MAP3K7: variants seen among roughly 807,000 people sequenced by gnomAD.
MAP3K7 encodes the protein TGF-beta activated kinase 1.
Under a neutral mutation model 84.8 loss-of-function variants are expected in MAP3K7, and 21 were observed. That is an observed-to-expected ratio of 0.25 (90% CI 0.18 to 0.36). The LOEUF is 0.36. MAP3K7 is among the 10% of genes least tolerant of loss of function. The probability of loss-of-function intolerance (pLI) is 1.00; values close to 1 mark genes in which losing one functional copy is unlikely to be tolerated. For synonymous variants in MAP3K7, 241 were observed against 247.7 expected (o/e 0.97, Z 0.25); for missense variants, 503 against 747.7 (o/e 0.67, Z 3.82).
At chr6:90,524,152 A>G (rs1775246045) in intron 13 of MAP3K7, among the ~76,000 whole-genome samples, 1 of 152,148 alleles carries the variant, frequency 6.6e-6, no homozygotes, top group Admixed American at 6.6e-5. Context: ...GGGCCTTTGT[A>G]GGATGGAAGT....
chr6:90,553,375 T>G, intron 7 of MAP3K7, 83 bp downstream of exon 7: 1 of 1,274,384 alleles, frequency 7.8e-7, no homozygotes, highest in Non-Finnish European at 1.1e-6. Flanking sequence ...AGATAAATGA[T>G]ATTCTTTAGG....
In MAP3K7 at chr6:90,586,801, AAGTTGAGGAC is replaced by A; in HGVS notation, c.73_82del (p.Val25LeufsTer38). On this transcript the variant is annotated frameshift_variant, in exon 1 of 17. Coordinates refer to ENST00000369329, the MANE Select transcript of MAP3K7 (RefSeq NM_145331.3). LOFTEE classifies it high-confidence loss of function. ...GATCTCCTTGTAGTCGATCTCTTCA[AAGTTGAGGAC>A]CTGGGAAGGGGCTTCGATCATCTCA... 6.2e-7 allele frequency: 1 copy of A among 1,610,118 alleles called. No homozygotes were observed. The highest frequency in any genetic ancestry group is 1.3e-5 in the African/African-American group (1 of 74,614).
rs1477792449 is a variant in MAP3K7 at position 90,515,430 on chromosome 6, G to C, written c.*1071C>G. Reference sequence around the variant, plus strand: ...GTGTTGAAAGGCGGCAGGCATTCTAGAACGGGATTGTAAGGAAAATCAAAT... The same window carrying C: ...GTGTTGAAAGGCGGCAGGCATTCTACAACGGGATTGTAAGGAAAATCAAAT... On this transcript the variant is annotated 3_prime_UTR_variant, in exon 17 of 17. Coordinates refer to ENST00000369329, the MANE Select transcript of MAP3K7 (RefSeq NM_145331.3). 2.0e-5 allele frequency: 3 copies of C among 151,910 alleles called. No individual in the cohort carries two copies. Among genetic ancestry groups the C allele is most frequent in the African/African-American group, 4.8e-5 (2 of 41,408 alleles). The allele number at this position is 151,910 out of a possible 1,614,324, so 9.4% of individuals were successfully genotyped here.
At chr6:90,563,534 A>G (rs1776595451) in intron 3 of MAP3K7, among the ~76,000 whole-genome samples, 1 of 152,158 alleles carries the variant, frequency 6.6e-6, no homozygotes, top group African/African-American at 2.4e-5. Flanking sequence ...AAAAAGAGTA[A>G]AAAGAAACAA....
chr6:90,547,293 A>T lies in MAP3K7; in HGVS notation c.1175T>A (p.Met392Lys), dbSNP rs778011461. 4 of 1,613,340 alleles carry T rather than the reference A, an allele frequency of 2.5e-6. No homozygotes were observed. The highest frequency in any genetic ancestry group is 1.7e-4 in the Middle Eastern group (1 of 6,058). Residue 392 changes from methionine to lysine, a missense_variant, in exon 11 of 17, where the codon ATG (methionine) becomes AAG (lysine). This residue lies in a region of MAP3K7 where 286 missense variants were observed against 313.6 expected (regional missense o/e 0.91). Transcript: ENST00000369329. ...GGCGATCCTAGCTTCTATTTCAGAC[A>T]TGTCAGCACTCATCCTCTTGCCCTC... ...TSEGKRMSAD[M>K]SEIEARIAAT...
At chr6:90,547,425 C>A (rs1258900409) in intron 10 of MAP3K7, 38 bp from the exon 11 acceptor site, 2 of 1,600,928 alleles carry the variant, frequency 1.2e-6, no homozygotes, top group Non-Finnish European at 1.7e-6. Context: ...TACTGAAGTT[C>A]TTTAGATTTA....
At chr6:90,537,645 A>C (rs913474292) in intron 12 of MAP3K7, among the ~76,000 whole-genome samples, 7 of 152,008 alleles carry the variant, frequency 4.6e-5, no homozygotes, top group Admixed American at 6.6e-5. Context: ...ATTCACATTT[A>C]CTTCAAATTT....
chr6:90,528,889 C>G (rs1306400543), intron 13 of MAP3K7, among the ~76,000 whole-genome samples: 1 of 152,106 alleles, frequency 6.6e-6, no homozygotes, highest in African/African-American at 2.4e-5. Flanking sequence ...TTCAGAAATT[C>G]CAAAAAGCTT....
In MAP3K7 at chr6:90,550,496, T is replaced by C. The variant is rs1440037446; in HGVS notation, c.921A>G (p.Glu307=). ...PLQYPCQYSD[E]GQSNSATSTG... ...TACTGGTGGCAGAGTTGCTCTGTCC[T>C]TCATCTGAATACTGACAAGGATACT... Residue 307 remains glutamate (E), a synonymous_variant, in exon 9 of 17, where the codon GAA becomes GAG. Transcript: ENST00000369329. 6.2e-7 allele frequency: 1 copy of C among 1,611,696 alleles called. No individual in the cohort carries two copies. The highest frequency in any genetic ancestry group is 1.3e-5 in the African/African-American group (1 of 74,990).
chr6:90,551,820 A>C (rs1434698235), intron 8 of MAP3K7: 1 of 393,494 alleles, frequency 2.5e-6, no homozygotes, highest in Non-Finnish European at 4.5e-6. Context: ...AAAAGAAAAA[A>C]GCAAGTCTAG....
chr6:90,546,447 T>C (rs1158817782), intron 11 of MAP3K7, among the ~76,000 whole-genome samples: 1 of 152,154 alleles, frequency 6.6e-6, no homozygotes, highest in African/African-American at 2.4e-5. Flanking sequence ...AGTGGGGTAA[T>C]TATGTAAGTT....
rs538510623 is a variant in MAP3K7 at position 90,572,154 on chromosome 6, AGAT to A, written c.121-350_121-348del. On this transcript the variant is annotated intron_variant, in intron 1 of 16. Transcript: ENST00000369329. ...CAGACAAGATGAATGAGAAGACAGA[AGAT>A]GATATGGAAAAACAAAAAGCAGGAA... Among the ~76,000 whole-genome samples the A allele has an allele frequency of 2.4e-3, 363 of 152,186 alleles. 1 individual carries two copies. Among genetic ancestry groups the A allele is most frequent in the Non-Finnish European group, 4.1e-3 (278 of 67,940 alleles).
rs778588757 is a variant in MAP3K7 at position 90,556,606 on chromosome 6, C to T, written c.501G>A (p.Gly167=). The T allele has an allele frequency of 6.2e-7, 1 of 1,608,800 alleles. No individual in the cohort carries two copies. Among genetic ancestry groups the T allele is most frequent in the East Asian group, 2.2e-5 (1 of 44,636 alleles). ...LKPPNLLLVA[G]GTVLKICDFG... Reference sequence around the variant, plus strand: ...AATCACAAATTTTTAGAACTGTCCCCCCTGCAACCAGCAGTAAGCTGTTTA... The same window carrying T: ...AATCACAAATTTTTAGAACTGTCCCTCCTGCAACCAGCAGTAAGCTGTTTA... Residue 167 remains glycine, a synonymous_variant, in exon 6 of 17, where the codon GGG becomes GGA. Coordinates refer to ENST00000369329, the MANE Select transcript of MAP3K7 (RefSeq NM_145331.3).
intron 16 of MAP3K7, 74 bp from the exon 17 acceptor site, chr6:90,516,755 A>G: frequency 8.5e-7 from 1 of 1,174,022 alleles, no homozygotes; most frequent in African/African-American, 1.6e-5. Context: ...TGGAAGCTCA[A>G]TTAATGAGAA....
At chr6:90,555,384 T>C (rs1014513682) in intron 6 of MAP3K7, among the ~76,000 whole-genome samples, 1 of 151,852 alleles carries the variant, frequency 6.6e-6, no homozygotes, top group African/African-American at 2.4e-5. Flanking sequence ...GCCTCCCGAG[T>C]AGCTGGGACT....
intron 13 of MAP3K7, among the ~76,000 whole-genome samples, chr6:90,530,810 C>T (rs917771340): frequency 1.3e-5 from 2 of 152,102 alleles, no homozygotes; most frequent in African/African-American, 4.8e-5. Context: ...AAAACTCAAA[C>T]TAGTTTGTGG....
At chr6:90,530,867 C>T (rs941449115) in intron 13 of MAP3K7, among the ~76,000 whole-genome samples, 3 of 152,114 alleles carry the variant, frequency 2.0e-5, no homozygotes, top group Non-Finnish European at 2.9e-5. Flanking sequence ...GAAGTTTTTA[C>T]AGTACTTATT....
At chr6:90,557,075 C>T (rs1313712919) in intron 5 of MAP3K7, among the ~76,000 whole-genome samples, 1 of 152,138 alleles carries the variant, frequency 6.6e-6, no homozygotes, top group Non-Finnish European at 1.5e-5. Context: ...AATTTAATGT[C>T]TTTATTTTGA....
intron 1 of MAP3K7, 46 bp from the exon 2 acceptor site, chr6:90,571,853 A>T: frequency 9.1e-7 from 1 of 1,093,874 alleles, no homozygotes; most frequent in Non-Finnish European, 1.3e-6. Context: ...ACACCACAAG[A>T]ATCGGAATCA....
Sources: gnomAD v4.1 joint callset for allele counts (sites outside exome capture counted in the v4.1 genomes callset) on GRCh38, gnomAD v4.1.1 for gene constraint, gnomAD v4.1.1 regional missense constraint, MANE v1.5 for transcripts, NCBI Gene and HGNC (gene_info 2026-07-23, HGNC 2026-07-21) for gene names.